NRXN3: variants seen among roughly 807,000 people sequenced by gnomAD.
NRXN3 encodes the protein neurexin III.
NRXN3 carries 32 observed loss-of-function variants against 137.6 expected under a neutral mutation model. The observed-to-expected ratio is 0.23, with a 90% CI of 0.18 to 0.31. NRXN3 has a LOEUF of 0.31. Ranked by LOEUF, NRXN3 falls within the 10% of genes least tolerant of loss-of-function variation. The probability of loss-of-function intolerance (pLI) is 1.00; values close to 1 mark genes in which losing one functional copy is unlikely to be tolerated. For missense variants in NRXN3, 1,574 were observed against 2,062.5 expected (o/e 0.76, Z 4.59); for synonymous variants, 798 against 784.5 (o/e 1.02, Z -0.29).
At chr14:78,786,099 C>T (rs1344216963) in intron 8 of NRXN3, among the ~76,000 whole-genome samples, 2 of 152,134 alleles carry the variant, frequency 1.3e-5, no homozygotes, top group Non-Finnish European at 2.9e-5. Context: ...CATAATGTGA[C>T]TGTAGCTAAA....
chr14:78,282,866 G>T (rs2074604737), intron 3 of NRXN3, among the ~76,000 whole-genome samples: 2 of 152,216 alleles, frequency 1.3e-5, no homozygotes, highest in Non-Finnish European at 2.9e-5. Flanking sequence ...ACACAGAGGG[G>T]ATGCACTTGA....
At chr14:78,507,667 A>G (rs1196511983) in intron 4 of NRXN3, among the ~76,000 whole-genome samples, 2 of 152,204 alleles carry the variant, frequency 1.3e-5, no homozygotes, top group African/African-American at 4.8e-5. Flanking sequence ...TGTGAAATTA[A>G]TCCTCTCGGA....
chr14:78,480,694 A>G (rs1348277638), intron 4 of NRXN3, among the ~76,000 whole-genome samples: 1 of 152,194 alleles, frequency 6.6e-6, no homozygotes, highest in Non-Finnish European at 1.5e-5. Context: ...TTAAGGGTGT[A>G]ATATTATTAC....
intron 15 of NRXN3, chr14:79,072,520 A>G (rs1464520694): frequency 6.6e-6 from 1 of 152,192 alleles, no homozygotes; most frequent in Non-Finnish European, 1.5e-5. Flanking sequence ...TAAAAAAGTA[A>G]TACTATGGTA....
chr14:78,691,804 A>C (rs1023372643), intron 6 of NRXN3, among the ~76,000 whole-genome samples: 4 of 152,138 alleles, frequency 2.6e-5, no homozygotes, highest in African/African-American at 9.7e-5. Flanking sequence ...TCTAACCTCC[A>C]TCCTTGAATT....
chr14:79,410,639 A>C (rs1454531390), intron 15 of NRXN3, among the ~76,000 whole-genome samples: 2 of 152,080 alleles, frequency 1.3e-5, no homozygotes, highest in Non-Finnish European at 2.9e-5. Context: ...TCTGTGCCTT[A>C]CTTTTGCCAT....
intron 15 of NRXN3, among the ~76,000 whole-genome samples, chr14:79,217,981 G>A (rs7150884): frequency 0.028 from 4,255 of 152,172 alleles, 139 homozygotes; most frequent in East Asian, 0.096. Flanking sequence ...AGTTCCCAGA[G>A]GACACTGTTG....
At chr14:79,052,352 T>A (rs377196450) in intron 15 of NRXN3, among the ~76,000 whole-genome samples, 2 of 152,230 alleles carry the variant, frequency 1.3e-5, no homozygotes, top group African/African-American at 4.8e-5. Context: ...AAACTCATAG[T>A]TCATGTTGTT....
At chr14:79,410,964 G>A (rs529108811) in intron 15 of NRXN3, among the ~76,000 whole-genome samples, 51 of 152,172 alleles carry the variant, frequency 3.4e-4, no homozygotes, top group African/African-American at 1.2e-3. Flanking sequence ...AGGGAAATAT[G>A]ACTCGTCAGA....
chr14:79,000,502 C>T (rs1380698154), intron 15 of NRXN3, among the ~76,000 whole-genome samples: 1 of 152,124 alleles, frequency 6.6e-6, no homozygotes, highest in Non-Finnish European at 1.5e-5. Flanking sequence ...CCCTTTATTC[C>T]ACCTAAATTC....
At chr14:78,348,362 A>C (rs990410232) in intron 4 of NRXN3, among the ~76,000 whole-genome samples, 1 of 152,192 alleles carries the variant, frequency 6.6e-6, no homozygotes, top group African/African-American at 2.4e-5. Flanking sequence ...GCCAGTTGAC[A>C]CTGAATAAGT....
intron 3 of NRXN3, among the ~76,000 whole-genome samples, chr14:78,284,266 A>C (rs2074854359): frequency 6.6e-6 from 1 of 152,144 alleles, no homozygotes; most frequent in South Asian, 2.1e-4. Flanking sequence ...ACTCAAAAGA[A>C]TGCAACCCTT....
intron 19 of NRXN3, among the ~76,000 whole-genome samples, chr14:79,743,094 C>T (rs1454347532): frequency 6.6e-6 from 1 of 152,092 alleles, no homozygotes; most frequent in Admixed American, 6.6e-5. Flanking sequence ...TTTTGTGGCA[C>T]CTGGGTGATG....
Position 78,260,128 on chromosome 14 carries a change from G to A in NRXN3, c.709+16326G>A, listed in dbSNP as rs1402752924. Among the ~76,000 whole-genome samples the A allele has an allele frequency of 2.6e-5, 4 of 152,194 alleles. No homozygotes were observed. The East Asian group carries it at 7.7e-4, about 29-fold the overall frequency. ...CTGTGTGTCAGGAGAAGCACTGGTG[G>A]TAAGACTGGTGAGCAAGACAGGCAC... On this transcript the variant is annotated intron_variant, in intron 2 of 20. Transcript: ENST00000335750.
chr14:79,005,576 T>G (rs1455173667), intron 15 of NRXN3, among the ~76,000 whole-genome samples: 1 of 152,212 alleles, frequency 6.6e-6, no homozygotes, highest in Admixed American at 6.5e-5. Flanking sequence ...GGGACTTTTC[T>G]CCAAACATAA....
intron 4 of NRXN3, among the ~76,000 whole-genome samples, chr14:78,564,873 G>T (rs1050783496): frequency 1.3e-5 from 2 of 152,022 alleles, no homozygotes; most frequent in South Asian, 4.2e-4. Flanking sequence ...TCATATTTTT[G>T]ATTCCTGCTC....
chr14:78,458,406 C>T (rs2094816408), intron 4 of NRXN3, among the ~76,000 whole-genome samples: 1 of 152,160 alleles, frequency 6.6e-6, no homozygotes, highest in Non-Finnish European at 1.5e-5. Context: ...CAAATCTATG[C>T]CCAAGGCAGC....
chr14:78,217,326 C>A (rs1215872492), intron 1 of NRXN3, among the ~76,000 whole-genome samples: 1 of 152,072 alleles, frequency 6.6e-6, no homozygotes, highest in African/African-American at 2.4e-5. Flanking sequence ...TTATTGTTAA[C>A]CATCTTCTCA....
intron 15 of NRXN3, among the ~76,000 whole-genome samples, chr14:79,393,107 G>A (rs569107495): frequency 2.0e-5 from 3 of 151,886 alleles, no homozygotes; most frequent in African/African-American, 7.3e-5. Context: ...ATCTTTTTAC[G>A]GTCTGAGTAA....
Sources: allele counts gnomAD v4.1 joint callset (sites outside exome capture counted in the v4.1 genomes callset), GRCh38; gene constraint gnomAD v4.1.1; transcripts MANE v1.5; gene names NCBI Gene and HGNC (gene_info 2026-07-23, HGNC 2026-07-21).